The following DLGAP2 variants were observed in gnomAD, a reference collection of about 807,000 sequenced individuals.
DLGAP2 encodes the protein DLG associated protein 2.
DLGAP2 carries 26 observed loss-of-function variants against 100.3 expected under a neutral mutation model. That is an observed-to-expected ratio of 0.26 (90% CI 0.19 to 0.36). DLGAP2 has a LOEUF of 0.36. DLGAP2 is among the 10% of genes least tolerant of loss of function. The pLI is 1.00. For missense variants in DLGAP2, 1,858 were observed against 1,453.2 expected, an observed-to-expected ratio of 1.28 and a Z score of -4.53; for synonymous variants, 886 against 630.1, an observed-to-expected ratio of 1.41 and a Z score of -6.08.
chr8:1,413,814 G>T (rs1286662004), intron 3 of DLGAP2, among the ~76,000 whole-genome samples: 1 of 152,258 alleles, frequency 6.6e-6, no homozygotes, highest in Non-Finnish European at 1.5e-5. Context: ...ACACACGCCT[G>T]CCAGGTGGGC....
intron 1 of DLGAP2, among the ~76,000 whole-genome samples, chr8:742,231 G>T (rs79225702): frequency 0.021 from 3,128 of 152,230 alleles, 46 homozygotes; most frequent in Non-Finnish European, 0.034. Context: ...ATGGTACATC[G>T]TGTGTATCGG....
chr8:1,429,512 T>C (rs1797347167), intron 3 of DLGAP2, among the ~76,000 whole-genome samples: 1 of 152,238 alleles, frequency 6.6e-6, no homozygotes, highest in African/African-American at 2.4e-5. Context: ...GTGCTGATGG[T>C]GTGTAAGCTG....
At chr8:778,098 A>G (rs565304240) in intron 1 of DLGAP2, among the ~76,000 whole-genome samples, 1 of 151,274 alleles carries the variant, frequency 6.6e-6, no homozygotes, top group South Asian at 2.1e-4. Flanking sequence ...CTTTCATTTC[A>G]TCTTCCACCG....
intron 4 of DLGAP2, among the ~76,000 whole-genome samples, chr8:1,540,158 A>C (rs1801312965): frequency 6.6e-6 from 1 of 152,188 alleles, no homozygotes. Context: ...GATACGTCCT[A>C]CTTCCTTAGG....
intron 2 of DLGAP2, among the ~76,000 whole-genome samples, chr8:1,135,909 A>G (rs1464478776): frequency 3.3e-5 from 5 of 152,104 alleles, no homozygotes; most frequent in Non-Finnish European, 7.4e-5. Flanking sequence ...ACAAGCAATC[A>G]TTTTTCGAAG....
chr8:1,095,546 G>A (rs1459901961), intron 2 of DLGAP2, among the ~76,000 whole-genome samples: 1 of 152,194 alleles, frequency 6.6e-6, no homozygotes, highest in Non-Finnish European at 1.5e-5. Flanking sequence ...TTTTAGTAAT[G>A]GGTTAGCAGT....
chr8:794,642 A>G (rs763923221), intron 1 of DLGAP2, among the ~76,000 whole-genome samples: 38 of 149,312 alleles, frequency 2.5e-4, no homozygotes, highest in Non-Finnish European at 5.1e-4. Context: ...CCTTGCCCGC[A>G]TTCCTGTAAA....
At chr8:1,232,612 T>C (rs1798560602) in intron 2 of DLGAP2, among the ~76,000 whole-genome samples, 1 of 152,244 alleles carries the variant, frequency 6.6e-6, no homozygotes, top group African/African-American at 2.4e-5. Flanking sequence ...TTGTATTTGT[T>C]GAGTGTGGAA....
intron 2 of DLGAP2, among the ~76,000 whole-genome samples, chr8:1,172,334 A>G (rs1435587784): frequency 3.3e-5 from 5 of 151,310 alleles, no homozygotes; most frequent in Non-Finnish European, 7.4e-5. Context: ...CTTCATTTCC[A>G]CTTTGGTGAA....
chr8:1,664,256 G>A (rs955087376), intron 8 of DLGAP2, among the ~76,000 whole-genome samples: 2 of 152,246 alleles, frequency 1.3e-5, no homozygotes, highest in Admixed American at 6.5e-5. Flanking sequence ...CACAGGCCAC[G>A]TCTACTAGCC....
intron 2 of DLGAP2, among the ~76,000 whole-genome samples, chr8:947,901 C>G (rs1212257998): frequency 6.8e-6 from 1 of 146,564 alleles, no homozygotes; most frequent in Non-Finnish European, 1.5e-5. Context: ...GGGCCATGGC[C>G]CCACCGAACC....
In DLGAP2 at chr8:1,333,122, G is replaced by C. The variant is rs1332957485; in HGVS notation, c.106+74239G>C. Reference sequence around the variant, plus strand: ...GGCGGTCTGTTCCTCCTAAGCAGATGGACCTCCGGCTGCAGGCGTGAGCAC... The same window carrying C: ...GGCGGTCTGTTCCTCCTAAGCAGATCGACCTCCGGCTGCAGGCGTGAGCAC... On this transcript the variant is annotated intron_variant, in intron 3 of 14. Transcript: ENST00000637795. Among the ~76,000 whole-genome samples the C allele has an allele frequency of 2.6e-5, 4 of 152,184 alleles. No individual in the cohort carries two copies. The East Asian group carries it at 7.7e-4, about 29-fold the overall frequency.
At chr8:1,153,224 A>G (rs1388788927) in intron 2 of DLGAP2, among the ~76,000 whole-genome samples, 4 of 152,190 alleles carry the variant, frequency 2.6e-5, no homozygotes, top group East Asian at 1.9e-4. Context: ...TGGTCTGGCC[A>G]GAGAATCATC....
chr8:1,663,188 G>C (rs371638617), intron 8 of DLGAP2, among the ~76,000 whole-genome samples: 1 of 149,606 alleles, frequency 6.7e-6, no homozygotes, highest in Non-Finnish European at 1.5e-5. Flanking sequence ...TGTGAGTGTG[G>C]GGTATGACTG....
At chr8:940,072 G>T (rs1462996068) in intron 2 of DLGAP2, among the ~76,000 whole-genome samples, 1 of 152,054 alleles carries the variant, frequency 6.6e-6, no homozygotes, top group East Asian at 1.9e-4. Flanking sequence ...GTGCAGTAGG[G>T]TGCTTGGAAT....
chr8:1,287,518 G>C (rs1262894739), intron 3 of DLGAP2, among the ~76,000 whole-genome samples: 2 of 71,662 alleles, frequency 2.8e-5, no homozygotes, highest in African/African-American at 8.0e-5. Flanking sequence ...AGGGGAACTA[G>C]TTTTGGTTCA....
chr8:1,295,562 C>A (rs954100745), intron 3 of DLGAP2, among the ~76,000 whole-genome samples: 10 of 152,222 alleles, frequency 6.6e-5, no homozygotes, highest in African/African-American at 2.4e-4. Flanking sequence ...CTCTGGTCAG[C>A]CCCCGCTCCT....
intron 4 of DLGAP2, among the ~76,000 whole-genome samples, chr8:1,528,856 T>A (rs1199145638): frequency 2.0e-5 from 3 of 152,138 alleles, no homozygotes; most frequent in Non-Finnish European, 4.4e-5. Context: ...AATGCTTGAT[T>A]TCCTAGGTGC....
At chr8:757,726 A>G (rs1198015266) in intron 1 of DLGAP2, among the ~76,000 whole-genome samples, 6 of 152,096 alleles carry the variant, frequency 3.9e-5, no homozygotes, top group Admixed American at 2.0e-4. Flanking sequence ...TTCCTATTTT[A>G]GGTTCATGTT....
Sources: gnomAD v4.1 joint callset for allele counts (sites outside exome capture counted in the v4.1 genomes callset) on GRCh38, gnomAD v4.1.1 for gene constraint, MANE v1.5 for transcripts, NCBI Gene and HGNC (gene_info 2026-07-23, HGNC 2026-07-21) for gene names.